HERC2: variants seen among roughly 807,000 people sequenced by gnomAD.
HERC2 encodes HECT and RLD domain containing E3 ubiquitin protein ligase 2.
In HERC2, 102 loss-of-function variants were observed where a neutral mutation model predicts 537.7. That is an observed-to-expected ratio of 0.19 (90% CI 0.16 to 0.22). The LOEUF (loss-of-function observed/expected upper bound fraction) is 0.22, where lower values mean the gene tolerates loss of function less well. Among genes scored for constraint, HERC2 ranks in the 10% least tolerant of loss-of-function variants. The pLI, the probability that HERC2 is intolerant of heterozygous loss-of-function variation, is 1.00. For missense variants in HERC2, 4,236 were observed against 6,198.2 expected, an observed-to-expected ratio of 0.68 and a Z score of 10.63; for synonymous variants, 2,224 against 2,466.2, an observed-to-expected ratio of 0.90 and a Z score of 2.91.
At chr15:28,248,854 G>A in intron 20 of HERC2, 118 bp from the exon 21 acceptor site, 1 of 804,294 alleles carries the variant, frequency 1.2e-6, no homozygotes, top group Non-Finnish European at 1.9e-6. Context: ...ATGATGACCT[G>A]CAGCTGGCTT....
chr15:28,241,371 T>TG (rs1288930887), intron 23 of HERC2, among the ~76,000 whole-genome samples: 1 of 150,580 alleles, frequency 6.6e-6, no homozygotes, highest in African/African-American at 2.4e-5. Context: ...AAAAAAGTGT[T>TG]GGTGAGGATG....
intron 2 of HERC2, among the ~76,000 whole-genome samples, chr15:28,318,220 T>C (rs565187411): frequency 4.6e-5 from 7 of 152,144 alleles, no homozygotes; most frequent in Non-Finnish European, 1.0e-4. Context: ...GTACTTTCAC[T>C]GTAAAAATAA....
intron 7 of HERC2, among the ~76,000 whole-genome samples, chr15:28,274,002 A>G (rs2075806464): frequency 6.6e-6 from 1 of 152,326 alleles, no homozygotes; most frequent in Non-Finnish European, 1.5e-5. Context: ...AGAGAGACAC[A>G]CAGTGTAAGC....
In HERC2 at chr15:28,177,011, C is replaced by T; in HGVS notation, c.9371G>A (p.Gly3124Asp). ...TCCCAGCCGGCCGTACTCGCCGAGG[C>T]CCCAGGTGTACAGTTCTCCGCTGGA... ...LTSSGELYTW[G>D]LGEYGRLGHG... The change falls in exon 61 of 93, where the codon GGC becomes GAC. Residue 3124 changes from glycine (G) to aspartate (D), a missense_variant. Transcript: ENST00000261609. The surrounding 1 kb of genome is among the most constrained non-coding windows in gnomAD (Gnocchi z 5.0). 1 of 1,614,086 alleles carries T rather than the reference C, an allele frequency of 6.2e-7. No individual in the cohort carries two copies. The highest frequency in any genetic ancestry group is 8.5e-7 in the Non-Finnish European group (1 of 1,179,990).
intron 78 of HERC2, among the ~76,000 whole-genome samples, chr15:28,141,010 G>A (rs770594480): frequency 1.1e-4 from 16 of 151,600 alleles, no homozygotes; most frequent in Non-Finnish European, 1.8e-4. Context: ...GGCCGAGGTG[G>A]GTGGATCACC....
chr15:28,232,315 G>T (rs1901955813), intron 30 of HERC2, among the ~76,000 whole-genome samples: 1 of 152,140 alleles, frequency 6.6e-6, no homozygotes, highest in Admixed American at 6.5e-5. Flanking sequence ...GGCCGAGGCA[G>T]GCAGATCACG....
intron 2 of HERC2, among the ~76,000 whole-genome samples, chr15:28,305,911 A>G (rs1027809421): frequency 1.3e-5 from 2 of 152,218 alleles, no homozygotes; most frequent in African/African-American, 4.8e-5. Context: ...TTATGCAGCC[A>G]AAAAATACAT....
chr15:28,278,834 A>G (rs986286081), intron 5 of HERC2, among the ~76,000 whole-genome samples: 6 of 151,832 alleles, frequency 4.0e-5, no homozygotes, highest in African/African-American at 1.5e-4. Flanking sequence ...TTCATCTGGC[A>G]GTCTTGTAGT....
chr15:28,191,337 G>A, intron 53 of HERC2, 93 bp from the exon 54 acceptor site: 1 of 772,102 alleles, frequency 1.3e-6, no homozygotes, highest in South Asian at 1.7e-5. Context: ...GAATCTACAT[G>A]AGATTTTTTC....
intron 18 of HERC2, 25 bp downstream of exon 18, chr15:28,256,064 T>TCTC (rs755713415): frequency 1.4e-5 from 22 of 1,603,506 alleles, no homozygotes; most frequent in Middle Eastern, 1.6e-4. Flanking sequence ...ACCCATGCCC[T>TCTC]CTCCTGTTCC....
At chr15:28,153,906 C>T (rs994589179) in intron 69 of HERC2, among the ~76,000 whole-genome samples, 21 of 152,228 alleles carry the variant, frequency 1.4e-4, no homozygotes, top group African/African-American at 5.1e-4. Flanking sequence ...ACCATCAAGC[C>T]GCTCAGGCCA....
chr15:28,160,381 C>G (rs1256885883), intron 69 of HERC2, among the ~76,000 whole-genome samples: 1 of 152,202 alleles, frequency 6.6e-6, no homozygotes, highest in East Asian at 1.9e-4. Context: ...TGGGCTCCAC[C>G]CAGTTTCAGC....
At chr15:28,225,611 T>A (rs1240792082) in intron 35 of HERC2, among the ~76,000 whole-genome samples, 2 of 144,028 alleles carry the variant, frequency 1.4e-5, no homozygotes, top group African/African-American at 5.2e-5. Flanking sequence ...GGCAGGAGAA[T>A]CACTTGAACC....
In HERC2 at chr15:28,113,377, T is replaced by G; in HGVS notation, c.14020-94A>C. 7 of 1,365,494 alleles carry G rather than the reference T, an allele frequency of 5.1e-6. No homozygotes were observed. Among genetic ancestry groups the G allele is most frequent in the Admixed American group, 3.8e-5 (2 of 52,772 alleles). The allele number at this position is 1,365,494 out of a possible 1,614,324, so 84.6% of individuals were successfully genotyped here. A position where few individuals can be genotyped will look rare whatever the true frequency, so the allele number is the denominator to read the frequency against. On this transcript the variant is annotated intron_variant, in intron 91 of 92. Coordinates refer to ENST00000261609, the MANE Select transcript of HERC2 (RefSeq NM_004667.6). This position sits in a 1 kb window ranked among gnomAD's most constrained non-coding sequence, Gnocchi z 7.0. Reference sequence around the variant, plus strand: ...GCTCCCTCTCTACACCAAGGCCTGTTTGGGGTGGGGAAAGGTCTGGGGGCT... The same window carrying G: ...GCTCCCTCTCTACACCAAGGCCTGTGTGGGGTGGGGAAAGGTCTGGGGGCT...
chr15:28,281,094 A>T (rs1483345135), intron 4 of HERC2, among the ~76,000 whole-genome samples: 1 of 152,206 alleles, frequency 6.6e-6, no homozygotes, highest in Non-Finnish European at 1.5e-5. Context: ...ACATTTATGG[A>T]CATATTTTAG....
chr15:28,208,641 C>T (rs982589127), intron 44 of HERC2, among the ~76,000 whole-genome samples: 1 of 152,298 alleles, frequency 6.6e-6, no homozygotes, highest in South Asian at 2.1e-4. Flanking sequence ...CCCCACCACT[C>T]ATCGACAAAC....
At chr15:28,161,044 C>G (rs1239151157) in intron 69 of HERC2, among the ~76,000 whole-genome samples, 1 of 152,124 alleles carries the variant, frequency 6.6e-6, no homozygotes, top group Non-Finnish European at 1.5e-5. Context: ...AAAAAGGATA[C>G]CTACAGCTTT....
chr15:28,246,794 G>A lies in HERC2; in HGVS notation c.3339C>T (p.Thr1113=). ...CCACCTCCGCGAAGTGCCGCCAGCT[G>A]GTAGAAGCAATGCTGGCGGCCACAG... ...ILPVAASIAS[T]SWRHFAEVAY... Residue 1113 remains threonine (T), a synonymous_variant, in exon 22 of 93, where the codon ACC becomes ACT. Coordinates refer to ENST00000261609, the MANE Select transcript of HERC2 (RefSeq NM_004667.6). The A allele has an allele frequency of 6.2e-7, 1 of 1,609,302 alleles. No homozygotes were observed. Among genetic ancestry groups the A allele is most frequent in the Non-Finnish European group, 8.5e-7 (1 of 1,177,952 alleles).
In HERC2 at chr15:28,263,096, T is replaced by A; in HGVS notation, c.1944A>T (p.Pro648=). The change falls in exon 15 of 93, where the codon CCA becomes CCT. Residue 648 remains proline, a synonymous_variant. Coordinates refer to ENST00000261609, the MANE Select transcript of HERC2 (RefSeq NM_004667.6). ...GRGGSDGCKT[P]KLIEKLQDLD... ...AGTCTTGAAGCTTTTCAATCAGCTT[T>A]GGGGTTTTGCAGCCATCACTACCAC... The A allele has an allele frequency of 6.2e-7, 1 of 1,614,196 alleles. No homozygotes were observed.
Sources: gnomAD v4.1 joint callset for allele counts (sites outside exome capture counted in the v4.1 genomes callset) on GRCh38, gnomAD v4.1.1 for gene constraint, Gnocchi (gnomAD v3.1) non-coding constraint, MANE v1.5 for transcripts, NCBI Gene and HGNC (gene_info 2026-07-23, HGNC 2026-07-21) for gene names.